PDGFC: variants seen among roughly 807,000 people sequenced by gnomAD.
PDGFC encodes the protein platelet derived growth factor C.
Under a neutral mutation model 35.5 loss-of-function variants are expected in PDGFC, and 12 were observed. The ratio of observed to expected loss-of-function variants is 0.34; its 90% CI spans 0.22 to 0.55. The LOEUF is 0.55. PDGFC is among the 20% of genes least tolerant of loss of function. The probability of loss-of-function intolerance (pLI) is 0.91; values close to 1 mark genes in which losing one functional copy is unlikely to be tolerated. For missense variants in PDGFC, 322 were observed against 412.4 expected (o/e 0.78, Z 1.90); for synonymous variants, 159 against 148.8 (o/e 1.07, Z -0.50).
intron 3 of PDGFC, among the ~76,000 whole-genome samples, chr4:156,799,264 T>C (rs759035014): frequency 6.6e-6 from 1 of 152,154 alleles, no homozygotes; most frequent in Non-Finnish European, 1.5e-5. Context: ...AAAACCTGAC[T>C]TAACTAGAGT....
chr4:156,813,401 C>T (rs1202848275), intron 2 of PDGFC, among the ~76,000 whole-genome samples: 1 of 151,958 alleles, frequency 6.6e-6, no homozygotes, highest in Admixed American at 6.6e-5. Flanking sequence ...TTGGTAAGTG[C>T]TCTAATTAGA....
intron 2 of PDGFC, among the ~76,000 whole-genome samples, chr4:156,822,856 G>A (rs975646626): frequency 2.0e-5 from 3 of 151,938 alleles, no homozygotes; most frequent in Middle Eastern, 3.4e-3. Flanking sequence ...TGCAACCTTC[G>A]CCTCCCAGGT....
chr4:156,929,573 G>A (rs531146532), intron 1 of PDGFC, among the ~76,000 whole-genome samples: 20 of 151,912 alleles, frequency 1.3e-4, no homozygotes, highest in Middle Eastern at 3.4e-3. Flanking sequence ...ACAGCCTTCC[G>A]GAATATACCA....
At chr4:156,945,130 AT>A (rs1477368353) in intron 1 of PDGFC, among the ~76,000 whole-genome samples, 1 of 151,498 alleles carries the variant, frequency 6.6e-6, no homozygotes, top group East Asian at 2.0e-4. Flanking sequence ...TTTATATGTT[AT>A]TTGTCCTTTT....
At chr4:156,962,148 A>G (rs1349465219) in intron 1 of PDGFC, among the ~76,000 whole-genome samples, 6 of 152,184 alleles carry the variant, frequency 3.9e-5, no homozygotes, top group African/African-American at 1.4e-4. Context: ...AAGTACACAC[A>G]GCATCAGGGC....
intron 2 of PDGFC, among the ~76,000 whole-genome samples, chr4:156,840,708 C>T (rs1729181050): frequency 6.6e-6 from 1 of 152,154 alleles, no homozygotes; most frequent in South Asian, 2.1e-4. Context: ...TTGAGAGCAG[C>T]TGAGAGTGGG....
At chr4:156,952,086 C>T (rs1732097955) in intron 1 of PDGFC, among the ~76,000 whole-genome samples, 1 of 151,698 alleles carries the variant, frequency 6.6e-6, no homozygotes, top group African/African-American at 2.4e-5. Context: ...GCATAAGACA[C>T]AATATATTTA....
At chr4:156,937,297 G>GA (rs1337809854) in intron 1 of PDGFC, among the ~76,000 whole-genome samples, 1 of 152,050 alleles carries the variant, frequency 6.6e-6, no homozygotes, top group African/African-American at 2.4e-5. Context: ...TCTAAAGCTG[G>GA]AAAAAATCTT....
chr4:156,956,132 G>A (rs549014874), intron 1 of PDGFC, among the ~76,000 whole-genome samples: 13 of 152,086 alleles, frequency 8.5e-5, no homozygotes, highest in African/African-American at 2.2e-4. Context: ...ACCACAACAC[G>A]CACTTTTGTG....
chr4:156,884,466 C>CT (rs1730327976), intron 1 of PDGFC, among the ~76,000 whole-genome samples: 1 of 152,190 alleles, frequency 6.6e-6, no homozygotes, highest in South Asian at 2.1e-4. Flanking sequence ...GAAGAAAACT[C>CT]TGACTCACAG....
At chr4:156,924,245 C>T (rs1731354768) in intron 1 of PDGFC, among the ~76,000 whole-genome samples, 1 of 152,150 alleles carries the variant, frequency 6.6e-6, no homozygotes, top group African/African-American at 2.4e-5. Context: ...TAGTTTCAAC[C>T]TACAATTTGT....
chr4:156,952,584 C>A (rs1307824865), intron 1 of PDGFC, among the ~76,000 whole-genome samples: 1 of 151,806 alleles, frequency 6.6e-6, no homozygotes, highest in Non-Finnish European at 1.5e-5. Context: ...ATTTTGGCAA[C>A]TAGACTAAAA....
intron 1 of PDGFC, among the ~76,000 whole-genome samples, chr4:156,959,751 T>C (rs116443147): frequency 0.024 from 3,640 of 152,116 alleles, 126 homozygotes; most frequent in African/African-American, 0.081. Context: ...TTTGCTACGG[T>C]AGGTTGGCCA....
At chr4:156,810,004 G>A (rs998493399) in intron 3 of PDGFC, among the ~76,000 whole-genome samples, 2 of 151,578 alleles carry the variant, frequency 1.3e-5, no homozygotes, top group Non-Finnish European at 1.5e-5. Context: ...GGCCCTCAAC[G>A]CCACCCTAGC....
chr4:156,924,723 G>A (rs566433113), intron 1 of PDGFC, among the ~76,000 whole-genome samples: 32 of 152,284 alleles, frequency 2.1e-4, no homozygotes, highest in African/African-American at 6.0e-4. Context: ...AATCCCACTG[G>A]GAAGATTCTG....
intron 3 of PDGFC, among the ~76,000 whole-genome samples, chr4:156,808,900 A>G (rs1015359806): frequency 6.6e-6 from 1 of 152,060 alleles, no homozygotes; most frequent in Non-Finnish European, 1.5e-5. Flanking sequence ...TAAACACAGA[A>G]AAAACAAAGC....
intron 2 of PDGFC, among the ~76,000 whole-genome samples, chr4:156,825,581 T>TAAGAAGAAGAAGAAG (rs1485958597): frequency 6.0e-4 from 56 of 92,584 alleles, no homozygotes; most frequent in East Asian, 1.5e-3. Context: ...ATAATAATAA[T>TAAGAAGAAGAAGAAG]AATAATAATA....
chr4:156,901,366 T>C (rs933043551), intron 1 of PDGFC, among the ~76,000 whole-genome samples: 9 of 152,100 alleles, frequency 5.9e-5, no homozygotes, highest in Admixed American at 3.3e-4. Flanking sequence ...CTAGAAAGCA[T>C]GTGAAGGATT....
At chr4:156,769,028 A>C (rs973034051) in intron 4 of PDGFC, among the ~76,000 whole-genome samples, 1 of 151,938 alleles carries the variant, frequency 6.6e-6, no homozygotes, top group South Asian at 2.1e-4. Context: ...TCCCCTAGAA[A>C]TATTCAAATA....
Sources: gnomAD v4.1 joint callset for allele counts (sites outside exome capture counted in the v4.1 genomes callset) on GRCh38, gnomAD v4.1.1 for gene constraint, MANE v1.5 for transcripts, NCBI Gene and HGNC (gene_info 2026-07-23, HGNC 2026-07-21) for gene names.